Variants in SORBS2 observed in about 807,000 individuals in gnomAD.
SORBS2 encodes the protein sorbin and SH3 domain containing 2.
Under a neutral mutation model 97.7 loss-of-function variants are expected in SORBS2, and 46 were observed. The observed-to-expected ratio is 0.47, with a 90% CI of 0.37 to 0.60. SORBS2 has a LOEUF of 0.60. SORBS2 is among the 20% of genes least tolerant of loss of function. SORBS2 has a pLI of 0.00. For missense variants in SORBS2, 1,316 were observed against 1,282.3 expected (o/e 1.03, Z -0.40); for synonymous variants, 476 against 473.4 (o/e 1.01, Z -0.07).
chr4:185,628,672 A>G (rs62334756), intron 5 of SORBS2, among the ~76,000 whole-genome samples: 58,047 of 151,760 alleles, frequency 0.38, 11,139 homozygotes, highest in South Asian at 0.53. Context: ...TAGCTTGAGC[A>G]CAGGAGTTTG....
chr4:185,679,809 C>G (rs1262565847), intron 2 of SORBS2, among the ~76,000 whole-genome samples: 1 of 152,172 alleles, frequency 6.6e-6, no homozygotes, highest in Non-Finnish European at 1.5e-5. Context: ...CTTTGTTTTT[C>G]TTTTAGTGCT....
chr4:185,632,867 A>G (rs1433934265), intron 4 of SORBS2, among the ~76,000 whole-genome samples: 1 of 152,234 alleles, frequency 6.6e-6, no homozygotes, highest in African/African-American at 2.4e-5. Context: ...TTGCGGTTTC[A>G]TGTACACTCA....
chr4:185,674,103 A>C (rs561719996), intron 4 of SORBS2, among the ~76,000 whole-genome samples: 1 of 152,260 alleles, frequency 6.6e-6, no homozygotes, highest in African/African-American at 2.4e-5. Context: ...AATGGCTGAT[A>C]CCTCCAACCA....
At chr4:185,847,496 G>A (rs1420877022) in intron 1 of SORBS2, among the ~76,000 whole-genome samples, 1 of 152,078 alleles carries the variant, frequency 6.6e-6, no homozygotes, top group East Asian at 1.9e-4. Flanking sequence ...CATCCTCGCA[G>A]GATCTGGGGT....
At chr4:185,589,524 A>G (rs915012833) in intron 14 of SORBS2, among the ~76,000 whole-genome samples, 155 bp downstream of exon 26, 3 of 152,232 alleles carry the variant, frequency 2.0e-5, no homozygotes, top group Non-Finnish European at 4.4e-5. Flanking sequence ...TAAAAATGCA[A>G]TAGCCTTGGG....
exon 15 of SORBS2, chr4:185,587,455 C>T: frequency 9.6e-6 from 6 of 623,844 alleles, no homozygotes; most frequent in Non-Finnish European, 1.7e-5. Context: ...CATGTCGTCC[C>T]CAGGCTCACA....
At chr4:185,894,595 T>C (rs1381480893) in intron 1 of SORBS2, among the ~76,000 whole-genome samples, 1 of 152,170 alleles carries the variant, frequency 6.6e-6, no homozygotes, top group African/African-American at 2.4e-5. Flanking sequence ...AGCACCCAGA[T>C]GTCTTACCTC....
chr4:185,806,434 C>CTGTTTTTTTTT lies in SORBS2; in HGVS notation c.-337-31069_-337-31068insAAAAAAAAACA, dbSNP rs2099153884. Among the ~76,000 whole-genome samples, 84 of 108,150 alleles carry CTGTTTTTTTTT rather than the reference C, an allele frequency of 7.8e-4. 35 individuals carry two copies. The highest frequency in any genetic ancestry group is 4.6e-3 in the Middle Eastern group (1 of 218). 71.0% of individuals were successfully genotyped at this position (108,150 alleles called of 152,430 possible). On this transcript the variant is annotated intron_variant, in intron 1 of 20. Transcript: ENST00000284776. ...AGTGGCACAGCTCTTGGCTAGAATC[C>CTGTTTTTTTTT]TATTTTTTTTTTTTTTTTTTTTTTT...
chr4:185,767,828 A>G (rs533212793), intron 2 of SORBS2, among the ~76,000 whole-genome samples: 1 of 152,290 alleles, frequency 6.6e-6, no homozygotes, highest in South Asian at 2.1e-4. Context: ...CAGCAGTATT[A>G]CTAACACATG....
intron 1 of SORBS2, among the ~76,000 whole-genome samples, chr4:185,889,855 C>T (rs1388385087): frequency 1.3e-5 from 2 of 152,132 alleles, no homozygotes; most frequent in African/African-American, 2.4e-5. Flanking sequence ...CTTCATTCCA[C>T]TCACTCCCCC....
intron 2 of SORBS2, among the ~76,000 whole-genome samples, chr4:185,689,034 C>T (rs1344497414): frequency 6.6e-6 from 1 of 152,108 alleles, no homozygotes; most frequent in Non-Finnish European, 1.5e-5. Context: ...GGGTCAAGTA[C>T]CTTAGTGACT....
intron 2 of SORBS2, among the ~76,000 whole-genome samples, chr4:185,756,724 T>C (rs893027114): frequency 4.9e-4 from 73 of 150,364 alleles, no homozygotes; most frequent in Non-Finnish European, 5.9e-4. Context: ...TAAAGCTTTT[T>C]TTTTTTTTTT....
At chr4:185,931,022 C>G (rs950747724) in intron 1 of SORBS2, among the ~76,000 whole-genome samples, 1 of 149,832 alleles carries the variant, frequency 6.7e-6, no homozygotes, top group Non-Finnish European at 1.5e-5. Flanking sequence ...ATGAAGAAAA[C>G]ACATGAATAT....
intron 1 of SORBS2, among the ~76,000 whole-genome samples, chr4:185,871,941 G>T (rs2099230632): frequency 6.6e-6 from 1 of 152,194 alleles, no homozygotes; most frequent in African/African-American, 2.4e-5. Flanking sequence ...ATGTCATACT[G>T]CTCATCAAAG....
In SORBS2 at chr4:185,649,535, TG is replaced by T; in HGVS notation, c.212del (p.Pro71GlnfsTer70). ...GAGGTGGAACATGTGGGGGAGGCAC[TG>T]GGGAGGACGCATCCTTAAAGGCATT... On this transcript the variant is annotated frameshift_variant, in exon 3 of 15. Transcript: ENST00000418609. LOFTEE classifies it high-confidence loss of function. 1 of 1,605,850 alleles carries T rather than the reference TG, an allele frequency of 6.2e-7. No homozygotes were observed. Among genetic ancestry groups the T allele is most frequent in the Non-Finnish European group, 8.5e-7 (1 of 1,175,928 alleles).
intron 1 of SORBS2, among the ~76,000 whole-genome samples, chr4:185,903,701 C>A (rs1054505523): frequency 2.0e-5 from 3 of 152,124 alleles, no homozygotes; most frequent in Non-Finnish European, 2.9e-5. Context: ...GCCAGGATAA[C>A]GATGGAATGG....
chr4:185,638,672 C>T (rs1013733424), intron 4 of SORBS2, among the ~76,000 whole-genome samples: 49 of 29,816 alleles, frequency 1.6e-3, no homozygotes, highest in African/African-American at 6.2e-3. Flanking sequence ...GGGAAGGGTG[C>T]GGGAGGGGTG....
At chr4:185,885,215 G>A (rs2099238795) in intron 1 of SORBS2, among the ~76,000 whole-genome samples, 1 of 152,216 alleles carries the variant, frequency 6.6e-6, no homozygotes, top group African/African-American at 2.4e-5. Context: ...TGGCTCGTTG[G>A]GGATGGGAAA....
chr4:185,780,263 C>T (rs2099021781), intron 1 of SORBS2, among the ~76,000 whole-genome samples: 1 of 152,102 alleles, frequency 6.6e-6, no homozygotes, highest in African/African-American at 2.4e-5. Context: ...GATCCACGCA[C>T]CTCAGCCTCC....
Sources: gnomAD v4.1 joint callset for allele counts (sites outside exome capture counted in the v4.1 genomes callset) on GRCh38, gnomAD v4.1.1 for gene constraint, MANE v1.5 for transcripts, NCBI Gene and HGNC (gene_info 2026-07-23, HGNC 2026-07-21) for gene names.